Variants in TMPRSS7 observed in about 807,000 individuals in gnomAD.
TMPRSS7 encodes the protein transmembrane protease serine 7.
TMPRSS7 carries 81 observed loss-of-function variants against 95.6 expected under a neutral mutation model. That is an observed-to-expected ratio of 0.85 (90% CI 0.71 to 1.02). The LOEUF (loss-of-function observed/expected upper bound fraction) is 1.02. Ranked by LOEUF, TMPRSS7 falls within the 50% of genes least tolerant of loss-of-function variation. The probability of loss-of-function intolerance (pLI) is 0.00; values close to 1 mark genes in which losing one functional copy is unlikely to be tolerated. For synonymous variants in TMPRSS7, 364 were observed against 337.8 expected, an observed-to-expected ratio of 1.08 and a Z score of -0.85; for missense variants, 945 against 955.2, an observed-to-expected ratio of 0.99 and a Z score of 0.14.
chr3:112,076,080 T>C (rs539703263), intron 15 of TMPRSS7, among the ~76,000 whole-genome samples: 1 of 152,364 alleles, frequency 6.6e-6, no homozygotes, highest in South Asian at 2.1e-4. Flanking sequence ...CATGAGTCTC[T>C]AATGCTGTGA....
chr3:112,058,069 C>CTA (rs2073453693), intron 10 of TMPRSS7, among the ~76,000 whole-genome samples: 1 of 152,222 alleles, frequency 6.6e-6, no homozygotes, highest in Non-Finnish European at 1.5e-5. Flanking sequence ...GTCTTGACCA[C>CTA]AGAATATCTT....
At chr3:112,074,709 A>G (rs2107762569) in intron 14 of TMPRSS7, among the ~76,000 whole-genome samples, 1 of 152,330 alleles carries the variant, frequency 6.6e-6, no homozygotes, top group South Asian at 2.1e-4. Flanking sequence ...TGAGAAAATA[A>G]ATAGAAACTG....
chr3:112,068,386 T>C (rs2073601831), intron 13 of TMPRSS7, among the ~76,000 whole-genome samples: 1 of 152,254 alleles, frequency 6.6e-6, no homozygotes, highest in Non-Finnish European at 1.5e-5. Context: ...TTGATGGAGA[T>C]GGCATTGAAT....
intron 2 of TMPRSS7, among the ~76,000 whole-genome samples, chr3:112,038,663 T>C (rs2073175289): frequency 6.6e-6 from 1 of 152,096 alleles, no homozygotes; most frequent in South Asian, 2.1e-4. Context: ...AAGTTTGTTG[T>C]AGAGACAGAG....
At chr3:112,043,780 T>C (rs1044937570) in intron 3 of TMPRSS7, among the ~76,000 whole-genome samples, 1 of 152,100 alleles carries the variant, frequency 6.6e-6, no homozygotes, top group South Asian at 2.1e-4. Context: ...TCCCTAGAGT[T>C]TGTTATGAAG....
intron 12 of TMPRSS7, among the ~76,000 whole-genome samples, chr3:112,063,895 T>C (rs1488040253): frequency 6.6e-6 from 1 of 152,176 alleles, no homozygotes; most frequent in East Asian, 1.9e-4. Flanking sequence ...TCTTCCAATA[T>C]TGGAATCAGC....
exon 10 of TMPRSS7, chr3:112,057,125 A>G (rs1274708417): frequency 1.2e-6 from 2 of 1,602,926 alleles, no homozygotes; most frequent in Non-Finnish European, 1.7e-6. Flanking sequence ...GAAATTAATG[A>G]GCACATGTAA....
exon 13 of TMPRSS7, chr3:112,066,445 A>T: frequency 6.2e-7 from 1 of 1,613,996 alleles, no homozygotes; most frequent in African/African-American, 1.3e-5. Context: ...TGGCCCTCTC[A>T]TCTGTGATGG....
chr3:112,044,197 T>C, intron 3 of TMPRSS7, 58 bp from the exon 4 acceptor site: 1 of 1,251,708 alleles, frequency 8.0e-7, no homozygotes, highest in Non-Finnish European at 1.1e-6. Context: ...ACATTTAAGA[T>C]ACTGTAAAAG....
At chr3:112,047,670 G>A in intron 6 of TMPRSS7, 69 bp from the exon 7 acceptor site, 1 of 1,228,138 alleles carries the variant, frequency 8.1e-7, no homozygotes. Context: ...TTTCTATAAA[G>A]ATTTCTGTTT....
intron 4 of TMPRSS7, 144 bp downstream of exon 4, chr3:112,044,466 C>T (rs2073251742): frequency 4.4e-6 from 3 of 685,390 alleles, no homozygotes; most frequent in African/African-American, 1.8e-5. Context: ...CAACTAGCGA[C>T]TCAACTCACT....
At chr3:112,072,682 C>T (rs779923544) in intron 13 of TMPRSS7, among the ~76,000 whole-genome samples, 21 of 152,356 alleles carry the variant, frequency 1.4e-4, no homozygotes, top group South Asian at 8.3e-4. Context: ...CAATGGCGGA[C>T]GCCCCTCCCT....
intron 16 of TMPRSS7, among the ~76,000 whole-genome samples, chr3:112,078,338 T>C (rs2073737647): frequency 6.6e-6 from 1 of 152,208 alleles, no homozygotes; most frequent in Non-Finnish European, 1.5e-5. Context: ...TGCAAACTGT[T>C]AGGTTTTTAT....
chr3:112,073,405 T>C (rs2073675061), intron 13 of TMPRSS7, among the ~76,000 whole-genome samples: 1 of 152,114 alleles, frequency 6.6e-6, no homozygotes, highest in African/African-American at 2.4e-5. Flanking sequence ...GCCTGGCCTT[T>C]TCTAGACTTT....
chr3:112,049,623 T>C (rs560365051), intron 7 of TMPRSS7, among the ~76,000 whole-genome samples: 1 of 152,238 alleles, frequency 6.6e-6, no homozygotes, highest in East Asian at 1.9e-4. Context: ...TCCCAGAGAA[T>C]TCTCTGGTAG....
intron 1 of TMPRSS7, among the ~76,000 whole-genome samples, chr3:112,037,464 A>T (rs1340309379): frequency 2.0e-5 from 3 of 152,154 alleles, no homozygotes; most frequent in Non-Finnish European, 4.4e-5. Flanking sequence ...TCCTGCTAAG[A>T]TGTTTATCAA....
chr3:112,045,954 G>A lies in TMPRSS7; in HGVS notation c.691+11G>A. 6.5e-7 allele frequency: 1 copy of A among 1,541,664 alleles called. No individual in the cohort carries two copies. The highest frequency in any genetic ancestry group is 2.5e-5 in the East Asian group (1 of 40,722). ...CTGTGGTACTAAATGGTGATTGTTG[G>A]GTAATTTTCCTTTAGCATTCCTTCC... is the stretch of plus-strand genomic sequence containing the variant. On this transcript the variant is annotated intron_variant, in intron 5 of 17. Transcript: ENST00000452346.
rs2107738353 is a variant in TMPRSS7, at chr3:112,044,146, C to T, written c.430-109C>T. The T allele has an allele frequency of 1.7e-5, 12 of 706,186 alleles. No individual in the cohort carries two copies. The South Asian group carries it at 2.1e-4, about 12-fold the overall frequency. The allele number at this position is 706,186 out of a possible 1,614,324, so 43.7% of individuals were successfully genotyped here. On this transcript the variant is annotated intron_variant, in intron 3 of 17. Transcript: ENST00000452346. ...GGAGTTAGGAGCCTTTATTTTGAGG[C>T]TTGCATTTCTTCTTGCTGGCTGTCA...
intron 13 of TMPRSS7, among the ~76,000 whole-genome samples, chr3:112,067,270 A>T (rs112150627): frequency 0.03 from 4,561 of 152,310 alleles, 193 homozygotes; most frequent in African/African-American, 0.088. Flanking sequence ...TGCTATTGTG[A>T]ATAGTGCCGC....
Sources: allele counts gnomAD v4.1 joint callset (sites outside exome capture counted in the v4.1 genomes callset), GRCh38; gene constraint gnomAD v4.1.1; transcripts MANE v1.5; gene names NCBI Gene and HGNC (gene_info 2026-07-23, HGNC 2026-07-21).